CLEC3B: variants seen among roughly 807,000 people sequenced by gnomAD.
The protein encoded by CLEC3B is C-type lectin domain family 3 member B, also known as tetranectin.
In CLEC3B, 13 loss-of-function variants were observed where a neutral mutation model predicts 15.4. The ratio of observed to expected loss-of-function variants is 0.84; its 90% CI spans 0.55 to 1.34. The LOEUF is 1.34. CLEC3B is among the 40% of genes most tolerant of loss of function. The probability of loss-of-function intolerance (pLI) is 0.00; values close to 1 mark genes in which losing one functional copy is unlikely to be tolerated. For synonymous variants in CLEC3B, 112 were observed against 114.7 expected (o/e 0.98, Z 0.15); for missense variants, 242 against 268.6 (o/e 0.90, Z 0.69).
rs1017197256 is a variant in CLEC3B at position 45,035,997 on chromosome 3, C to G, written c.*73C>G. 7.1e-7 allele frequency: 1 copy of G among 1,417,034 alleles called. No homozygotes were observed. The highest frequency in any genetic ancestry group is 1.4e-5 in the African/African-American group (1 of 70,022). The allele number at this position is 1,417,034 out of a possible 1,614,324, so 87.8% of individuals were successfully genotyped here. A position where few individuals can be genotyped will look rare whatever the true frequency, so the allele number is the denominator to read the frequency against. ...GGGAGGCCGGGAGGAGGGTGGGGAC[C>G]TTGCAGCCCCCATCCTCTCCGTGCG... On this transcript the variant is annotated 3_prime_UTR_variant, in exon 3 of 3. Transcript: ENST00000296130.
intron 2 of CLEC3B, chr3:45,034,525 C>T (rs78017023): frequency 6.6e-6 from 1 of 152,338 alleles, no homozygotes; most frequent in Non-Finnish European, 1.5e-5. Context: ...TCAAGATATT[C>T]CTTTCCACAG....
At chr3:45,027,088 C>T (rs1697494409) in intron 1 of CLEC3B, among the ~76,000 whole-genome samples, 1 of 152,234 alleles carries the variant, frequency 6.6e-6, no homozygotes, top group Non-Finnish European at 1.5e-5. Context: ...GTTGCTTTGG[C>T]TACAGCAAGA....
chr3:45,033,508 G>T (rs1697594867), intron 2 of CLEC3B, among the ~76,000 whole-genome samples: 1 of 152,224 alleles, frequency 6.6e-6, no homozygotes, highest in South Asian at 2.1e-4. Flanking sequence ...CACATGGGAG[G>T]TTCCCACCTG....
chr3:45,026,461 T>C lies in CLEC3B; in HGVS notation c.99T>C (p.Asn33=). The C allele has an allele frequency of 6.2e-7, 1 of 1,614,020 alleles. No individual in the cohort carries two copies. The highest frequency in any genetic ancestry group is 8.5e-7 in the Non-Finnish European group (1 of 1,179,960). ...CCCAGAAGCCCAAGAAGATTGTAAA[T>C]GCCAAGAAAGGTAAGGAGGGGGACA... is the stretch of plus-strand genomic sequence containing the variant. ...PPTQKPKKIV[N]AKKDVVNTKM... Residue 33 remains asparagine (N), a synonymous_variant, in exon 1 of 3, where the codon AAT becomes AAC. Transcript: ENST00000296130.
At chr3:45,028,881 C>T (rs1264397396) in intron 1 of CLEC3B, among the ~76,000 whole-genome samples, 1 of 152,164 alleles carries the variant, frequency 6.6e-6, no homozygotes, top group Non-Finnish European at 1.5e-5. Context: ...TGTCCTGGCC[C>T]TCAGGGTGGG....
intron 1 of CLEC3B, chr3:45,030,298 T>G: frequency 1.1e-6 from 1 of 891,854 alleles, no homozygotes; most frequent in Non-Finnish European, 1.3e-6. Context: ...GGTGGGGCTG[T>G]CATCATCCAC....
At position 45,035,783 on chromosome 3, in the gene CLEC3B, C is replaced by G; in HGVS notation, c.468C>G (p.Asn156Lys). 2.5e-6 allele frequency: 4 copies of G among 1,613,682 alleles called. No homozygotes were observed. Among genetic ancestry groups the G allele is most frequent in the Non-Finnish European group, 3.4e-6 (4 of 1,179,974 alleles). The change falls in exon 3 of 3, where the codon AAC (asparagine) becomes AAG (lysine). Residue 156 changes from asparagine to lysine, a missense_variant. Physicochemically the swap from Asn to Lys is moderately conservative, Grantham distance 94. Transcript: ENST00000296130. The part of the protein sequence containing the change: ...DMTGARIAYK[N>K]WETEITAQPD... ...CCGGCGCCCGCATCGCCTACAAGAA[C>G]TGGGAGACTGAGATCACCGCGCAAC...
chr3:45,030,899 T>TGAAGGAGCAGCAGGCCCTGCA lies in CLEC3B; in HGVS notation c.185_205dup (p.Lys62_Gln68dup), dbSNP rs1482979211. On this transcript the variant is annotated inframe_insertion, in exon 2 of 3. Coordinates refer to ENST00000296130, the MANE Select transcript of CLEC3B (RefSeq NM_003278.3). The stretch of plus-strand genomic sequence containing the variant: ...ACCCTGGCCCAGGAGGTGGCCCTGC[T>TGAAGGAGCAGCAGGCCCTGCA]GAAGGAGCAGCAGGCCCTGCAGACG... 6.3e-7 allele frequency: 1 copy of TGAAGGAGCAGCAGGCCCTGCA among 1,586,354 alleles called. No individual in the cohort carries two copies. The highest frequency in any genetic ancestry group is 8.6e-7 in the Non-Finnish European group (1 of 1,166,126).
At position 45,035,786 on chromosome 3, in the gene CLEC3B, G is replaced by A. The variant is rs779638538; in HGVS notation, c.471G>A (p.Trp157Ter). The change falls in exon 3 of 3, where the codon TGG becomes TGA. Residue 157 changes from tryptophan to a stop codon, truncating the protein, a stop_gained. Coordinates refer to ENST00000296130, the MANE Select transcript of CLEC3B (RefSeq NM_003278.3). LOFTEE classifies it high-confidence loss of function. ...MTGARIAYKNWETEITAQPDG... is the reference protein window; with the variant it reads ...MTGARIAYKN ...GCGCCCGCATCGCCTACAAGAACTG[G>A]GAGACTGAGATCACCGCGCAACCCG... The A allele has an allele frequency of 6.2e-7, 1 of 1,613,658 alleles. No homozygotes were observed. The highest frequency in any genetic ancestry group is 1.1e-5 in the South Asian group (1 of 91,088).
At position 45,026,448 on chromosome 3, in the gene CLEC3B, A is replaced by G. The variant is rs1168368782; in HGVS notation, c.86A>G (p.Lys29Arg). The stretch of plus-strand genomic sequence containing the variant: ...ACCGAGCCACCAACCCAGAAGCCCA[A>G]GAAGATTGTAAATGCCAAGAAAGGT... ...VTTEPPTQKP[K>R]KIVNAKKDVV... The change falls in exon 1 of 3, where the codon AAG becomes AGG. Residue 29 changes from lysine to arginine, a missense_variant. Coordinates refer to ENST00000296130, the MANE Select transcript of CLEC3B (RefSeq NM_003278.3). 2 of 1,613,974 alleles carry G rather than the reference A, an allele frequency of 1.2e-6. No individual in the cohort carries two copies. Among genetic ancestry groups the G allele is most frequent in the East Asian group, 2.2e-5 (1 of 44,870 alleles).
At position 45,026,310 on chromosome 3, in the gene CLEC3B, C is replaced by T. The variant is rs940147991; in HGVS notation, c.-53C>T. ...GCAGCCTGGGCCGTGGCTGTCACTG[C>T]GTTCGGACCCAGACCCGCTGCAGGC... is the stretch of plus-strand genomic sequence containing the variant. On this transcript the variant is annotated 5_prime_UTR_variant, in exon 1 of 3. Coordinates refer to ENST00000296130, the MANE Select transcript of CLEC3B (RefSeq NM_003278.3). 21 of 1,482,530 alleles carry T rather than the reference C, an allele frequency of 1.4e-5. No homozygotes were observed. The highest frequency in any genetic ancestry group is 2.3e-5 in the East Asian group (1 of 43,344). The allele number at this position is 1,482,530 out of a possible 1,614,324, so 91.8% of individuals were successfully genotyped here.
intron 1 of CLEC3B, among the ~76,000 whole-genome samples, chr3:45,028,932 G>A (rs1319325772): frequency 6.6e-6 from 1 of 152,214 alleles, no homozygotes. Flanking sequence ...GAGCTCATCT[G>A]TTCTTGGGGC....
At chr3:45,031,460 A>T (rs1697552815) in intron 2 of CLEC3B, among the ~76,000 whole-genome samples, 2 of 152,218 alleles carry the variant, frequency 1.3e-5, no homozygotes, top group Non-Finnish European at 2.9e-5. Flanking sequence ...CTCCATTTTA[A>T]AGATGTGTCA....
intron 1 of CLEC3B, among the ~76,000 whole-genome samples, chr3:45,030,561 C>T (rs1225874850): frequency 6.6e-6 from 1 of 152,174 alleles, no homozygotes; most frequent in African/African-American, 2.4e-5. Flanking sequence ...TGCCTACACC[C>T]TCACCCCTGC....
rs1274138954 is a variant in CLEC3B, at chr3:45,028,237, A to G, written c.109+1766A>G. Among the ~76,000 whole-genome samples the G allele has an allele frequency of 1.1e-3, 162 of 152,320 alleles. 1 individual carries two copies. Among genetic ancestry groups the G allele is most frequent in the Non-Finnish European group, 1.2e-4 (8 of 68,032 alleles). ...CATGGTGGTTCTCACTCAGGCATCA[A>G]CATCATCTGGGAGATACATTAGAAT... On this transcript the variant is annotated intron_variant, in intron 1 of 2. Coordinates refer to ENST00000296130, the MANE Select transcript of CLEC3B (RefSeq NM_003278.3).
At chr3:45,031,757 G>T (rs1000542915) in intron 2 of CLEC3B, among the ~76,000 whole-genome samples, 1 of 152,088 alleles carries the variant, frequency 6.6e-6, no homozygotes, top group African/African-American at 2.4e-5. Context: ...ACATACCTCC[G>T]ATTTACCTAC....
chr3:45,027,889 A>C (rs2125979286), intron 1 of CLEC3B, among the ~76,000 whole-genome samples: 1 of 152,352 alleles, frequency 6.6e-6, no homozygotes, highest in Middle Eastern at 3.4e-3. Context: ...CAAGTTTACC[A>C]AAGATTCAGT....
At chr3:45,033,949 T>C (rs544322514) in intron 2 of CLEC3B, among the ~76,000 whole-genome samples, 2 of 148,754 alleles carry the variant, frequency 1.3e-5, no homozygotes, top group South Asian at 4.4e-4. Flanking sequence ...CGAGCTGTAC[T>C]GTGGTGCCAC....
intron 1 of CLEC3B, among the ~76,000 whole-genome samples, chr3:45,028,107 C>A (rs543814542): frequency 1.1e-3 from 165 of 152,318 alleles, no homozygotes; most frequent in African/African-American, 3.5e-3. Flanking sequence ...AGTCTCCCGC[C>A]CACCAACATG....
Sources: gnomAD v4.1 joint callset for allele counts (sites outside exome capture counted in the v4.1 genomes callset) on GRCh38, gnomAD v4.1.1 for gene constraint, MANE v1.5 for transcripts, NCBI Gene and HGNC (gene_info 2026-07-23, HGNC 2026-07-21) for gene names.